CNBD1: variants seen among roughly 807,000 people sequenced by gnomAD.
CNBD1 encodes cyclic nucleotide binding domain containing 1, also known as cyclic nucleotide-binding domain-containing protein 1.
In CNBD1, 71 loss-of-function variants were observed where a neutral mutation model predicts 54.4. The observed-to-expected ratio is 1.30, with a 90% confidence interval of 1.08 to 1.59. The LOEUF (loss-of-function observed/expected upper bound fraction) is 1.59, where lower values mean the gene tolerates loss of function less well. CNBD1 is among the 40% of genes most tolerant of loss of function. The probability of loss-of-function intolerance (pLI) is 0.00; values close to 1 mark genes in which losing one functional copy is unlikely to be tolerated. For missense variants in CNBD1, 659 were observed against 518.0 expected, an observed-to-expected ratio of 1.27 and a Z score of -2.64; for synonymous variants, 182 against 170.7, an observed-to-expected ratio of 1.07 and a Z score of -0.51.
chr8:87,381,295 C>A (rs1188082356), intron 10 of CNBD1, among the ~76,000 whole-genome samples: 1 of 151,854 alleles, frequency 6.6e-6, no homozygotes, highest in African/African-American at 2.4e-5. Flanking sequence ...TGTCCAATGC[C>A]ACTAACAGGA....
chr8:86,882,960 A>G (rs1314186943), intron 1 of CNBD1, among the ~76,000 whole-genome samples: 1 of 152,152 alleles, frequency 6.6e-6, no homozygotes, highest in Non-Finnish European at 1.5e-5. Flanking sequence ...TGTAAGTGGG[A>G]GCTAAGAGAT....
intron 8 of CNBD1, among the ~76,000 whole-genome samples, chr8:87,344,933 A>T (rs995302634): frequency 9.9e-5 from 15 of 152,186 alleles, no homozygotes; most frequent in African/African-American, 3.6e-4. Context: ...GGTTAACTAG[A>T]ATGTATGACT....
At chr8:87,368,318 T>G (rs1253043354) in intron 10 of CNBD1, among the ~76,000 whole-genome samples, 1 of 151,930 alleles carries the variant, frequency 6.6e-6, no homozygotes, top group African/African-American at 2.4e-5. Flanking sequence ...AAGGGCAGAC[T>G]AGAGTGAAGA....
chr8:87,263,273 G>T (rs1201058410), intron 6 of CNBD1, among the ~76,000 whole-genome samples: 1 of 151,940 alleles, frequency 6.6e-6, no homozygotes, highest in Admixed American at 6.6e-5. Flanking sequence ...ATGCATATTT[G>T]TATATAATAA....
intron 8 of CNBD1, among the ~76,000 whole-genome samples, chr8:87,324,659 T>G (rs533504510): frequency 6.6e-6 from 1 of 151,982 alleles, no homozygotes; most frequent in African/African-American, 2.4e-5. Context: ...ATCCACTTTA[T>G]CATTTTTTAT....
chr8:86,919,637 G>A (rs1305211990), intron 3 of CNBD1, among the ~76,000 whole-genome samples: 1 of 152,122 alleles, frequency 6.6e-6, no homozygotes, highest in Admixed American at 6.5e-5. Context: ...TGTTGATTAG[G>A]AACTCAAAGT....
At chr8:87,317,448 A>G (rs80003538) in intron 8 of CNBD1, among the ~76,000 whole-genome samples, 7,909 of 151,732 alleles carry the variant, frequency 0.052, 648 homozygotes, top group African/African-American at 0.18. Flanking sequence ...GGTTTACTTG[A>G]AAATATCAAT....
intron 4 of CNBD1, among the ~76,000 whole-genome samples, chr8:86,992,593 G>A (rs1586185252): frequency 6.6e-6 from 1 of 151,852 alleles, no homozygotes; most frequent in South Asian, 2.1e-4. Context: ...GTGTCCTTGT[G>A]GTAGCAAGTG....
chr8:87,324,770 T>C (rs1217672150), intron 8 of CNBD1, among the ~76,000 whole-genome samples: 1 of 145,740 alleles, frequency 6.9e-6, no homozygotes, highest in East Asian at 2.0e-4. Context: ...GATTCATTGA[T>C]TTTTTGAAGG....
chr8:87,225,563 A>T (rs2130813672), intron 5 of CNBD1, among the ~76,000 whole-genome samples: 1 of 151,788 alleles, frequency 6.6e-6, no homozygotes, highest in East Asian at 1.9e-4. Context: ...CGTATATTGA[A>T]CCAGCCTTGT....
intron 2 of CNBD1, among the ~76,000 whole-genome samples, chr8:87,391,537 A>T (rs1811310740): frequency 6.6e-6 from 1 of 152,028 alleles, no homozygotes; most frequent in Admixed American, 6.6e-5. Flanking sequence ...TCCATAAATA[A>T]AACCTTATTT....
intron 4 of CNBD1, among the ~76,000 whole-genome samples, chr8:87,141,877 T>C (rs574091607): frequency 6.6e-6 from 1 of 152,260 alleles, no homozygotes; most frequent in South Asian, 2.1e-4. Flanking sequence ...ACTAAATCTT[T>C]CATATGTTTT....
chr8:87,241,148 C>G (rs1429449267), intron 6 of CNBD1, among the ~76,000 whole-genome samples: 2 of 151,888 alleles, frequency 1.3e-5, no homozygotes, highest in Non-Finnish European at 2.9e-5. Flanking sequence ...TCTCATTTCT[C>G]AAGAGGATCT....
intron 2 of CNBD1, among the ~76,000 whole-genome samples, chr8:86,896,901 A>G (rs1218873413): frequency 6.6e-6 from 1 of 152,230 alleles, no homozygotes; most frequent in Non-Finnish European, 1.5e-5. Context: ...ATTGCTATGA[A>G]TAGAAAATCA....
Position 87,322,425 on chromosome 8 carries a change from G to A in CNBD1, c.1043-29260G>A, listed in dbSNP as rs1348072577. 4.2e-5 allele frequency among the ~76,000 whole-genome samples: 5 copies of A among 120,252 alleles called. 1 individual carries two copies. Among genetic ancestry groups the A allele is most frequent in the Non-Finnish European group, 9.2e-5 (5 of 54,244 alleles). 78.9% of individuals were successfully genotyped at this position (120,252 alleles called of 152,430 possible). A position where few individuals can be genotyped will look rare whatever the true frequency, so the allele number is the denominator to read the frequency against. On this transcript the variant is annotated intron_variant, in intron 8 of 10. Coordinates refer to ENST00000518476, the MANE Select transcript of CNBD1 (RefSeq NM_173538.3). ...ACTAGTTTACAGTCCCACCAACAGT[G>A]TAAAAGTGTTCCTATTTCTCCACAT... is the stretch of plus-strand genomic sequence containing the variant.
At position 87,223,026 on chromosome 8, in the gene CNBD1, A is replaced by G. The variant is rs187966940; in HGVS notation, c.578-13893A>G. On this transcript the variant is annotated intron_variant, in intron 5 of 10. Coordinates refer to ENST00000518476, the MANE Select transcript of CNBD1 (RefSeq NM_173538.3). ...ATCATTATTTAATGGGCTGGAAATC[A>G]GTATTGTTTCCTTATTGTCTGATTT... Among the ~76,000 whole-genome samples the G allele has an allele frequency of 4.8e-3, 724 of 150,154 alleles. 14 individuals are homozygous for G. The highest frequency in any genetic ancestry group is 0.017 in the African/African-American group (704 of 41,150).
At chr8:87,153,030 CT>C (rs547109823) in intron 4 of CNBD1, among the ~76,000 whole-genome samples, 5 of 152,022 alleles carry the variant, frequency 3.3e-5, no homozygotes, top group Admixed American at 6.5e-5. Context: ...GCTCCATAGC[CT>C]TCGTTCTACA....
At chr8:87,336,786 G>T (rs1809952415) in intron 8 of CNBD1, among the ~76,000 whole-genome samples, 1 of 152,042 alleles carries the variant, frequency 6.6e-6, no homozygotes, top group Non-Finnish European at 1.5e-5. Flanking sequence ...CTGGCCTTTT[G>T]GATTTTCAGT....
At chr8:86,892,722 C>T (rs1808787977) in intron 2 of CNBD1, among the ~76,000 whole-genome samples, 1 of 151,958 alleles carries the variant, frequency 6.6e-6, no homozygotes, top group African/African-American at 2.4e-5. Flanking sequence ...AAGGAGGTTC[C>T]TGGAAAACCC....
Sources: gnomAD v4.1 joint callset for allele counts (sites outside exome capture counted in the v4.1 genomes callset) on GRCh38, gnomAD v4.1.1 for gene constraint, MANE v1.5 for transcripts, NCBI Gene and HGNC (gene_info 2026-07-23, HGNC 2026-07-21) for gene names.